Variants in RNF169 observed in about 807,000 individuals in gnomAD.
RNF169 encodes ring finger protein 169, also known as E3 ubiquitin-protein ligase RNF169.
RNF169 carries 24 observed loss-of-function variants against 53.9 expected under a neutral mutation model. That is an observed-to-expected ratio of 0.45 (90% CI 0.32 to 0.63). RNF169 has a LOEUF of 0.63. Ranked by LOEUF, RNF169 falls within the 20% of genes least tolerant of loss-of-function variation. The pLI is 0.04. For synonymous variants in RNF169, 396 were observed against 363.5 expected, an observed-to-expected ratio of 1.09 and a Z score of -1.02; for missense variants, 883 against 906.2, an observed-to-expected ratio of 0.97 and a Z score of 0.33.
chr11:74,835,146 G>A (rs1459742193), intron 5 of RNF169, among the ~76,000 whole-genome samples: 2 of 151,994 alleles, frequency 1.3e-5, no homozygotes, highest in African/African-American at 4.8e-5. Flanking sequence ...ACCATACCTG[G>A]GGAATTTTTA....
rs1281114109 is a variant in RNF169 at position 74,761,599 on chromosome 11, G to C, written c.502+12217G>C. On this transcript the variant is annotated intron_variant, in intron 1 of 5. Coordinates refer to ENST00000299563, the MANE Select transcript of RNF169 (RefSeq NM_001098638.2). ...TTAGTTTGGCTGGACATGAAATTCT[G>C]GGTTGAAAATTCTTTCCTTTAAGAA... is the stretch of plus-strand genomic sequence containing the variant. Among the ~76,000 whole-genome samples the C allele has an allele frequency of 3.9e-5, 6 of 152,008 alleles. No homozygotes were observed. In the East Asian group the frequency reaches 1.2e-3, roughly 29 times the overall value.
At chr11:74,790,410 G>A (rs775928239) in intron 2 of RNF169, among the ~76,000 whole-genome samples, 1 of 152,174 alleles carries the variant, frequency 6.6e-6, no homozygotes, top group Non-Finnish European at 1.5e-5. Flanking sequence ...ACTTAATCTG[G>A]ATCAAGCATC....
intron 1 of RNF169, among the ~76,000 whole-genome samples, chr11:74,784,976 T>A (rs188862046): frequency 1.3e-5 from 2 of 151,966 alleles, no homozygotes; most frequent in African/African-American, 2.4e-5. Context: ...TAGCATAGAG[T>A]GTGCTTTTCA....
intron 1 of RNF169, among the ~76,000 whole-genome samples, chr11:74,784,938 A>T (rs2035466734): frequency 6.6e-6 from 1 of 152,064 alleles, no homozygotes; most frequent in Non-Finnish European, 1.5e-5. Context: ...ACATGTGTGC[A>T]CTTGTGCATA....
chr11:74,795,923 CT>C (rs1473008745), intron 2 of RNF169, among the ~76,000 whole-genome samples: 2 of 152,124 alleles, frequency 1.3e-5, no homozygotes, highest in Non-Finnish European at 1.5e-5. Flanking sequence ...TTTAAAAAGA[CT>C]TTTTCAACTT....
chr11:74,768,983 G>C (rs781596434), intron 1 of RNF169, among the ~76,000 whole-genome samples: 6 of 152,212 alleles, frequency 3.9e-5, no homozygotes, highest in East Asian at 1.9e-4. Context: ...GGAGTTTCGG[G>C]CTGCAGTGAG....
At chr11:74,778,667 C>G (rs1249910869) in intron 1 of RNF169, among the ~76,000 whole-genome samples, 1 of 152,170 alleles carries the variant, frequency 6.6e-6, no homozygotes, top group Admixed American at 6.5e-5. Context: ...CCTGCAATTT[C>G]TATAGTATTT....
At chr11:74,752,144 A>G (rs1342451529) in intron 1 of RNF169, among the ~76,000 whole-genome samples, 1 of 147,994 alleles carries the variant, frequency 6.8e-6, no homozygotes. Context: ...AGACAGGAGA[A>G]TCTCTTGAAC....
Position 74,835,803 on chromosome 11 carries a change from T to G in RNF169, c.1200T>G (p.Arg400=). The stretch of plus-strand genomic sequence containing the variant: ...CTCCCAAGAGACTCCCTGATGGCCG[T>G]GTGCTAAGTCCTCTCATCATCAAAT... The part of the protein sequence containing the change: ...CTPPKRLPDG[R]VLSPLIIKST... The change falls in exon 6 of 6, where the codon CGT becomes CGG. Residue 400 remains arginine, a synonymous_variant. Coordinates refer to ENST00000299563, the MANE Select transcript of RNF169 (RefSeq NM_001098638.2). 5 of 1,614,224 alleles carry G rather than the reference T, an allele frequency of 3.1e-6. No homozygotes were observed. In the South Asian group the frequency reaches 4.4e-5, roughly 14 times the overall value.
At chr11:74,793,420 A>G (rs1037889387) in intron 2 of RNF169, among the ~76,000 whole-genome samples, 5 of 152,238 alleles carry the variant, frequency 3.3e-5, no homozygotes, top group South Asian at 2.1e-4. Context: ...AGTATACTCT[A>G]TTACTTTAAG....
chr11:74,805,969 G>A (rs12283412), intron 2 of RNF169, among the ~76,000 whole-genome samples: 6,251 of 152,108 alleles, frequency 0.041, 135 homozygotes, highest in African/African-American at 0.058. Context: ...AGCGACAGCT[G>A]TACTAAGATA....
At chr11:74,765,033 G>A (rs2035150525) in intron 1 of RNF169, among the ~76,000 whole-genome samples, 3 of 152,192 alleles carry the variant, frequency 2.0e-5, no homozygotes, top group Admixed American at 1.3e-4. Context: ...GCAAAAAAAT[G>A]AGACCCTGTC....
At position 74,749,145 on chromosome 11, in the gene RNF169, C is replaced by G; in HGVS notation, c.265C>G (p.Arg89Gly). The stretch of plus-strand genomic sequence containing the variant: ...CCTGCCGTGCGGCCACTCGCTTTGC[C>G]GAGGCTGCGCCCAACGCGCCGCCGA... ...AALPCGHSLC[R>G]GCAQRAADAA... Residue 89 changes from arginine (R) to glycine (G), a missense_variant, in exon 1 of 6, where the codon CGA (arginine) becomes GGA (glycine). Around this residue, in one of 3 missense-constraint regions of RNF169, gnomAD observed 313 missense variants for 279.9 expected, o/e 1.12. Coordinates refer to ENST00000299563, the MANE Select transcript of RNF169 (RefSeq NM_001098638.2). 1 of 1,292,280 alleles carries G rather than the reference C, an allele frequency of 7.7e-7. No homozygotes were observed. Among genetic ancestry groups the G allele is most frequent in the African/African-American group, 1.5e-5 (1 of 64,864 alleles). The allele number at this position is 1,292,280 out of a possible 1,614,324, so 80.1% of individuals were successfully genotyped here.
chr11:74,807,415 A>G (rs897991113), intron 2 of RNF169, among the ~76,000 whole-genome samples: 5 of 151,908 alleles, frequency 3.3e-5, no homozygotes, highest in Non-Finnish European at 7.4e-5. Flanking sequence ...TTTTTTGGTT[A>G]TGCTGCTCTG....
At chr11:74,756,969 T>C (rs559364567) in intron 1 of RNF169, among the ~76,000 whole-genome samples, 76 of 152,268 alleles carry the variant, frequency 5.0e-4, no homozygotes, top group African/African-American at 1.7e-3. Flanking sequence ...TCAGAAAAAC[T>C]GCATAATAAA....
In RNF169 at chr11:74,758,621, C is replaced by G. The variant is rs1165138071; in HGVS notation, c.502+9239C>G. 1.2e-3 allele frequency among the ~76,000 whole-genome samples: 180 copies of G among 151,724 alleles called. 1 individual carries two copies. Among genetic ancestry groups the G allele is most frequent in the African/African-American group, 4.2e-3 (173 of 41,490 alleles). ...GTTTCACGCCATTCTCCTGCCTCAG[C>G]CTCCCAAGTAGCTGGGACTACAGGC... On this transcript the variant is annotated intron_variant, in intron 1 of 5. Transcript: ENST00000299563.
chr11:74,825,665 C>T (rs2135139692), intron 4 of RNF169, among the ~76,000 whole-genome samples: 1 of 152,252 alleles, frequency 6.6e-6, no homozygotes, highest in East Asian at 1.9e-4. Flanking sequence ...CTGCATCATC[C>T]TGATACCAAA....
chr11:74,762,941 T>C (rs768167851), intron 1 of RNF169, among the ~76,000 whole-genome samples: 1 of 152,184 alleles, frequency 6.6e-6, no homozygotes, highest in East Asian at 1.9e-4. Context: ...TTTTACCATA[T>C]GCAAAAAGGA....
At chr11:74,773,920 GTTA>G (rs984514297) in intron 1 of RNF169, among the ~76,000 whole-genome samples, 2 of 152,192 alleles carry the variant, frequency 1.3e-5, no homozygotes, top group African/African-American at 2.4e-5. Context: ...AATATTAGCT[GTTA>G]TTATATGCAG....
Sources: allele counts gnomAD v4.1 joint callset (sites outside exome capture counted in the v4.1 genomes callset), GRCh38; gene constraint gnomAD v4.1.1; regional missense constraint gnomAD v4.1.1; transcripts MANE v1.5; gene names NCBI Gene and HGNC (gene_info 2026-07-23, HGNC 2026-07-21).